The following DSCAM variants were observed in gnomAD, a reference collection of about 807,000 sequenced individuals.
DSCAM encodes the protein cell adhesion molecule DSCAM.
Under a neutral mutation model 217.7 loss-of-function variants are expected in DSCAM, and 47 were observed. That is an observed-to-expected ratio of 0.22 (90% CI 0.17 to 0.28). DSCAM has a LOEUF of 0.28. Among genes scored for constraint, DSCAM ranks in the 10% least tolerant of loss-of-function variants. The pLI, the probability that DSCAM is intolerant of heterozygous loss-of-function variation, is 1.00. For synonymous variants in DSCAM, 1,056 were observed against 1,015.3 expected (o/e 1.04, Z -0.76); for missense variants, 2,080 against 2,618.3 (o/e 0.79, Z 4.49).
At chr21:40,669,594 T>A (rs2146397507) in intron 3 of DSCAM, among the ~76,000 whole-genome samples, 1 of 151,442 alleles carries the variant, frequency 6.6e-6, no homozygotes, top group South Asian at 2.1e-4. Context: ...ATATATATTT[T>A]TTTTTTTTTT....
rs7277383 is a variant in DSCAM at position 40,290,047 on chromosome 21, T to A, written c.2182+6008A>T. ...AACAGACCTTGCTGGGGAAAAGACATGGAGAACAGAAATGGAAAAATATCG... is the reference window on the plus strand; with the variant it reads ...AACAGACCTTGCTGGGGAAAAGACAAGGAGAACAGAAATGGAAAAATATCG... On this transcript the variant is annotated intron_variant, in intron 10 of 32. Transcript: ENST00000400454. 7.0e-3 allele frequency among the ~76,000 whole-genome samples: 1,060 copies of A among 151,680 alleles called. 16 individuals are homozygous for A. The highest frequency in any genetic ancestry group is 0.024 in the African/African-American group (1,013 of 41,396).
chr21:40,471,344 C>A (rs531665167), intron 3 of DSCAM, among the ~76,000 whole-genome samples: 1 of 152,262 alleles, frequency 6.6e-6, no homozygotes, highest in Admixed American at 6.5e-5. Context: ...GGGGCCACTC[C>A]TTCCTTCCAC....
At chr21:40,104,703 CTAA>C (rs1483178408) in intron 20 of DSCAM, among the ~76,000 whole-genome samples, 1 of 152,068 alleles carries the variant, frequency 6.6e-6, no homozygotes, top group African/African-American at 2.4e-5. Context: ...TGAACACTGG[CTAA>C]TAATGATGTG....
At chr21:40,363,226 A>G (rs1409275641) in intron 4 of DSCAM, among the ~76,000 whole-genome samples, 2 of 149,272 alleles carry the variant, frequency 1.3e-5, no homozygotes, top group East Asian at 3.9e-4. Flanking sequence ...TTTTTTTTGA[A>G]GTGTGTACCA....
intron 4 of DSCAM, among the ~76,000 whole-genome samples, chr21:40,367,635 A>G (rs1399813855): frequency 1.3e-5 from 2 of 152,092 alleles, no homozygotes; most frequent in Non-Finnish European, 2.9e-5. Flanking sequence ...ATATTGAGTT[A>G]TTTTCCACAT....
intron 4 of DSCAM, among the ~76,000 whole-genome samples, chr21:40,363,631 T>C (rs948183587): frequency 6.6e-6 from 1 of 152,146 alleles, no homozygotes; most frequent in Admixed American, 6.5e-5. Context: ...AAGGACTTCA[T>C]GTCTAAAACA....
intron 16 of DSCAM, among the ~76,000 whole-genome samples, chr21:40,157,324 G>A (rs545898637): frequency 7.9e-5 from 12 of 152,284 alleles, no homozygotes; most frequent in East Asian, 3.9e-4. Context: ...TTGCAGACTC[G>A]TACAGGACAG....
intron 3 of DSCAM, chr21:40,383,744 C>T (rs1319494275): frequency 6.6e-6 from 1 of 152,044 alleles, no homozygotes; most frequent in Non-Finnish European, 1.5e-5. Context: ...CATTGTATTG[C>T]ATTTATCTGT....
At position 40,179,070 on chromosome 21, in the gene DSCAM, G is replaced by A; in HGVS notation, c.2804C>T (p.Thr935Ile). The change falls in exon 15 of 33, where the codon ACC (threonine) becomes ATC (isoleucine). Residue 935 changes from threonine to isoleucine, a missense_variant. This residue lies in a region of DSCAM where 1,144 missense variants were observed against 1,421.1 expected (regional missense o/e 0.81). Coordinates refer to ENST00000400454, the MANE Select transcript of DSCAM (RefSeq NM_001389.5). The part of the protein sequence containing the change: ...KSDSWDSAQR[T>I]KDVSPQLNSA... ...GTTCAGCTGAGGGGAAACATCTTTG[G>A]TTCTCTGAGCAGAATCCCAGGAGTC... 6.2e-7 allele frequency: 1 copy of A among 1,612,380 alleles called. No individual in the cohort carries two copies.
intron 3 of DSCAM, among the ~76,000 whole-genome samples, chr21:40,477,615 G>A (rs2075948469): frequency 1.3e-5 from 2 of 152,168 alleles, no homozygotes; most frequent in East Asian, 3.9e-4. Flanking sequence ...GGAAGAAAGT[G>A]ATAAAACCCA....
chr21:40,812,463 A>G (rs1022582675), intron 1 of DSCAM, among the ~76,000 whole-genome samples: 15 of 152,124 alleles, frequency 9.9e-5, no homozygotes, highest in African/African-American at 3.6e-4. Context: ...TCAAGAAATC[A>G]CACCATGGCT....
At chr21:40,257,212 T>TCATA (rs376291121) in intron 11 of DSCAM, among the ~76,000 whole-genome samples, 5 of 152,204 alleles carry the variant, frequency 3.3e-5, no homozygotes, top group African/African-American at 1.2e-4. Flanking sequence ...TCAAGACTTT[T>TCATA]CATATGCACT....
chr21:40,223,966 T>C (rs2091310434), intron 11 of DSCAM, among the ~76,000 whole-genome samples: 1 of 152,224 alleles, frequency 6.6e-6, no homozygotes. Flanking sequence ...CCCTGGGGAA[T>C]GCACTTGCAT....
intron 1 of DSCAM, among the ~76,000 whole-genome samples, chr21:40,842,799 A>AT (rs1246986412): frequency 1.3e-5 from 2 of 152,164 alleles, no homozygotes; most frequent in African/African-American, 4.8e-5. Flanking sequence ...TGACTCACTG[A>AT]TCCCCCGAGG....
chr21:40,407,163 C>T (rs764077188), intron 3 of DSCAM, among the ~76,000 whole-genome samples: 23 of 152,218 alleles, frequency 1.5e-4, no homozygotes, highest in Middle Eastern at 6.8e-3. Context: ...AAAAATGAGT[C>T]TGCAGTAATA....
chr21:40,284,980 C>T (rs1241821643), intron 10 of DSCAM, among the ~76,000 whole-genome samples: 4 of 152,192 alleles, frequency 2.6e-5, no homozygotes, highest in African/African-American at 9.7e-5. Context: ...TTTGTTACAA[C>T]TTGCTAGTCC....
intron 3 of DSCAM, among the ~76,000 whole-genome samples, chr21:40,498,628 A>ACG (rs2076138319): frequency 1.2e-5 from 1 of 86,252 alleles, no homozygotes; most frequent in South Asian, 4.0e-4. Flanking sequence ...TATATGCACT[A>ACG]TGTATATATA....
intron 20 of DSCAM, among the ~76,000 whole-genome samples, chr21:40,109,931 G>T (rs1325963914): frequency 2.0e-5 from 3 of 152,152 alleles, no homozygotes; most frequent in Admixed American, 1.3e-4. Flanking sequence ...AGCTCAAACT[G>T]GGTGGAGCCC....
At chr21:40,137,494 T>C (rs2146699592) in intron 18 of DSCAM, among the ~76,000 whole-genome samples, 1 of 152,138 alleles carries the variant, frequency 6.6e-6, no homozygotes, top group African/African-American at 2.4e-5. Context: ...GAAAGCCAGA[T>C]ACAAAACTGA....
Sources: allele counts gnomAD v4.1 joint callset (sites outside exome capture counted in the v4.1 genomes callset), GRCh38; gene constraint gnomAD v4.1.1; regional missense constraint gnomAD v4.1.1; transcripts MANE v1.5; gene names NCBI Gene and HGNC (gene_info 2026-07-23, HGNC 2026-07-21).